The following FUNDC2 variants were observed in gnomAD, a reference collection of about 807,000 sequenced individuals.
The protein encoded by FUNDC2 is FUN14 domain containing 2.
In FUNDC2, 4 loss-of-function variants were observed where a neutral mutation model predicts 15.6. That is an observed-to-expected ratio of 0.26 (90% CI 0.13 to 0.59). The LOEUF (loss-of-function observed/expected upper bound fraction) is 0.59. Ranked by LOEUF, FUNDC2 falls within the 20% of genes least tolerant of loss-of-function variation. FUNDC2 has a pLI of 0.90. For missense variants in FUNDC2, 98 were observed against 149.7 expected, an observed-to-expected ratio of 0.65 and a Z score of 1.80; for synonymous variants, 44 against 56.9, an observed-to-expected ratio of 0.77 and a Z score of 1.02.
At chrX:155,035,876 T>G (rs1400673157) in intron 2 of FUNDC2, among the ~76,000 whole-genome samples, 1 of 112,246 alleles carries the variant, frequency 8.9e-6, no homozygotes, top group Non-Finnish European at 1.9e-5. Flanking sequence ...TAGTACTCCA[T>G]TGTATGGATG....
intron 2 of FUNDC2, among the ~76,000 whole-genome samples, chrX:155,046,261 C>T (rs1255654540): frequency 9.0e-6 from 1 of 111,220 alleles, no homozygotes; most frequent in Non-Finnish European, 1.9e-5. Flanking sequence ...CTCTTCTCCA[C>T]AATGTAGCCA....
intron 2 of FUNDC2, among the ~76,000 whole-genome samples, chrX:155,036,219 T>C (rs782524998): frequency 8.9e-6 from 1 of 112,285 alleles, no homozygotes; most frequent in Non-Finnish European, 1.9e-5. Flanking sequence ...GGGTATGAAG[T>C]TGTATCTCAT....
intron 2 of FUNDC2, 98 bp from the exon 3 acceptor site, chrX:155,046,411 T>G (rs1030691561): frequency 8.1e-6 from 6 of 736,254 alleles, no homozygotes; most frequent in Non-Finnish European, 1.3e-5. Flanking sequence ...AGGAGCTAGG[T>G]CATCTTAAGC....
chrX:155,047,494 T>A, intron 3 of FUNDC2: 2 of 336,287 alleles, frequency 5.9e-6, no homozygotes, highest in Non-Finnish European at 1.2e-5. Context: ...TGTAGCTGGG[T>A]TGAGTGTGGT....
chrX:155,052,745 G>T (rs2073882646), intron 4 of FUNDC2, among the ~76,000 whole-genome samples: 1 of 112,274 alleles, frequency 8.9e-6, no homozygotes, highest in African/African-American at 3.2e-5. Context: ...CCAGAGCCCA[G>T]ATAGTTTCTC....
rs1309506118 is a variant in FUNDC2, at chrX:155,058,858, ATT to A, written c.*4190_*4191del. 7.2e-5 allele frequency: 8 copies of A among 110,732 alleles called. No homozygotes were observed. Among genetic ancestry groups the A allele is most frequent in the Non-Finnish European group, 1.5e-4 (8 of 52,919 alleles). The allele number at this position is 110,732 out of a possible 1,213,427, so 9.1% of individuals were successfully genotyped here. A position where few individuals can be genotyped will look rare whatever the true frequency, so the allele number is the denominator to read the frequency against. On this transcript the variant is annotated 3_prime_UTR_variant, in exon 5 of 5. Coordinates refer to ENST00000369498, the MANE Select transcript of FUNDC2 (RefSeq NM_023934.4). ...AAAGAAAAGTGTCGCACTTTTTCACATTTTTATAAAGCTTTAAAGTCAGTTTA... is the reference window on the plus strand; with the variant it reads ...AAAGAAAAGTGTCGCACTTTTTCACATTTATAAAGCTTTAAAGTCAGTTTA...
rs1269858517 is a variant in FUNDC2, at chrX:155,054,545, T to A, written c.493-50T>A. The A allele has an allele frequency of 1.6e-5, 19 of 1,206,948 alleles. 2 individuals are homozygous for A. Among genetic ancestry groups the A allele is most frequent in the African/African-American group, 3.5e-5 (2 of 57,708 alleles). Reference sequence around the variant, plus strand: ...GGTATAATAGAGATGATTCTTAATATTATTAACATCCTTAGCAAAACAACC... The same window carrying A: ...GGTATAATAGAGATGATTCTTAATAATATTAACATCCTTAGCAAAACAACC... On this transcript the variant is annotated intron_variant, in intron 4 of 4. Coordinates refer to ENST00000369498, the MANE Select transcript of FUNDC2 (RefSeq NM_023934.4).
Position 155,054,809 on chromosome X carries a change from A to G in FUNDC2, c.*137A>G, listed in dbSNP as rs2124200208. On this transcript the variant is annotated 3_prime_UTR_variant, in exon 5 of 5. Coordinates refer to ENST00000369498, the MANE Select transcript of FUNDC2 (RefSeq NM_023934.4). ...ATGGCAAATCTGAGTGGCTTCTCTA[A>G]GCATCTGCTGGTACAAGTCAATGTG... The G allele has an allele frequency of 1.9e-6, 1 of 533,668 alleles. No homozygotes were observed. The highest frequency in any genetic ancestry group is 2.6e-5 in the Admixed American group (1 of 37,781). The allele number at this position is 533,668 out of a possible 1,213,427, so 44.0% of individuals were successfully genotyped here.
intron 2 of FUNDC2, among the ~76,000 whole-genome samples, chrX:155,038,855 A>G (rs782564110): frequency 2.7e-5 from 3 of 112,543 alleles, no homozygotes; most frequent in South Asian, 7.3e-4. Flanking sequence ...CTTTGGCTGT[A>G]TACCCAGTAG....
rs138710711 is a variant in FUNDC2, at chrX:155,031,545, G to C, written c.134-1858G>C. Among the ~76,000 whole-genome samples the C allele has an allele frequency of 5.6e-3, 629 of 112,255 alleles. 3 individuals are homozygous for C. Among genetic ancestry groups the C allele is most frequent in the African/African-American group, 0.019 (591 of 30,855 alleles). On this transcript the variant is annotated intron_variant, in intron 1 of 4. Coordinates refer to ENST00000369498, the MANE Select transcript of FUNDC2 (RefSeq NM_023934.4). Reference sequence around the variant, plus strand: ...GGGTTTCACCATGTTGGCCAGGCTGGTCTTGAACTCCAGACTTCAAGTGAT... The same window carrying C: ...GGGTTTCACCATGTTGGCCAGGCTGCTCTTGAACTCCAGACTTCAAGTGAT...
chrX:155,049,900 TA>T (rs1356574331), intron 3 of FUNDC2: 1 of 112,667 alleles, frequency 8.9e-6, no homozygotes, highest in African/African-American at 3.2e-5. Context: ...TGCTAGCATA[TA>T]GAAATTCAGT....
chrX:155,059,322 A>G lies in FUNDC2; in HGVS notation c.*4650A>G, dbSNP rs2073919164. The G allele has an allele frequency of 8.9e-6, 1 of 112,220 alleles. No homozygotes were observed. Among genetic ancestry groups the G allele is most frequent in the Non-Finnish European group, 1.9e-5 (1 of 53,263 alleles). 9.2% of individuals were successfully genotyped at this position (112,220 alleles called of 1,213,427 possible). A position where few individuals can be genotyped will look rare whatever the true frequency, so the allele number is the denominator to read the frequency against. On this transcript the variant is annotated 3_prime_UTR_variant, in exon 5 of 5. Coordinates refer to ENST00000369498, the MANE Select transcript of FUNDC2 (RefSeq NM_023934.4). ...TGAATGCAAGGAAAGGAGTGACAAG[A>G]TATCACCCCACAAATGACTTACCCA...
intron 3 of FUNDC2, among the ~76,000 whole-genome samples, chrX:155,047,649 G>C (rs1826495864): frequency 9.0e-6 from 1 of 110,953 alleles, no homozygotes; most frequent in Admixed American, 9.6e-5. Flanking sequence ...GATGATCAGA[G>C]GGTTAGGGTA....
intron 4 of FUNDC2, among the ~76,000 whole-genome samples, chrX:155,053,507 A>G (rs1557290622): frequency 1.8e-5 from 2 of 111,992 alleles, no homozygotes; most frequent in African/African-American, 6.5e-5. Context: ...TTTCTCAGGA[A>G]GTTGTATGAT....
chrX:155,044,339 C>T (rs2073856080), intron 2 of FUNDC2, among the ~76,000 whole-genome samples: 1 of 111,613 alleles, frequency 9.0e-6, no homozygotes, highest in Non-Finnish European at 1.9e-5. Context: ...AGTGAATACA[C>T]AGAGCAAAGA....
rs181244930 is a variant in FUNDC2 at position 155,042,418 on chromosome X, C to T, written c.285-4091C>T. On this transcript the variant is annotated intron_variant, in intron 2 of 4. Transcript: ENST00000369498. ...GCCAGGCTGGTCTCGAACTCCTGAC[C>T]TCAGGTGATCCTCCTGCCTCAGCCT... Among the ~76,000 whole-genome samples, 8 of 109,598 alleles carry T rather than the reference C, an allele frequency of 7.3e-5. No homozygotes were observed. The East Asian group carries it at 2.3e-3, about 31-fold the overall frequency.
In FUNDC2 at chrX:155,051,794, C is replaced by T; in HGVS notation, c.485C>T (p.Ala162Val). Reference sequence around the variant, plus strand: ...ATACCTACTGAGGTCAGGAGCAAAGCTGAGGAGGTGAGACTTGCATTGTTC... The same window carrying T: ...ATACCTACTGAGGTCAGGAGCAAAGTTGAGGAGGTGAGACTTGCATTGTTC... ...NQIPTEVRSK[A>V]EEVVSFVKKN... Residue 162 changes from alanine (A) to valine (V), a missense_variant, in exon 4 of 5, where the codon GCT becomes GTT. Ala to Val is a moderately conservative substitution (Grantham distance 64). Transcript: ENST00000369498. 8.3e-7 allele frequency: 1 copy of T among 1,211,050 alleles called. No individual in the cohort carries two copies. The highest frequency in any genetic ancestry group is 1.8e-5 in the South Asian group (1 of 56,931).
At chrX:155,049,252 G>A (rs1557290282) in intron 3 of FUNDC2, 2 of 112,803 alleles carry the variant, frequency 1.8e-5, no homozygotes, top group Non-Finnish European at 3.7e-5. Flanking sequence ...CCCAGTTCTG[G>A]TGTTGCTTTG....
intron 2 of FUNDC2, among the ~76,000 whole-genome samples, chrX:155,046,169 G>A (rs1410624104): frequency 1.8e-5 from 2 of 108,398 alleles, no homozygotes; most frequent in Non-Finnish European, 3.8e-5. Context: ...TCTCTACCTC[G>A]GCCCATTGGC....
Sources: gnomAD v4.1 joint callset for allele counts (sites outside exome capture counted in the v4.1 genomes callset) on GRCh38, gnomAD v4.1.1 for gene constraint, MANE v1.5 for transcripts, NCBI Gene and HGNC (gene_info 2026-07-23, HGNC 2026-07-21) for gene names.